Variants in ANKFN1 observed in about 807,000 individuals in gnomAD.
ANKFN1 encodes the protein ankyrin repeat and fibronectin type III domain containing 1.
Under a neutral mutation model 108.7 loss-of-function variants are expected in ANKFN1, and 74 were observed. That is an observed-to-expected ratio of 0.68 (90% CI 0.56 to 0.83). The LOEUF (loss-of-function observed/expected upper bound fraction) is 0.83, where lower values mean the gene tolerates loss of function less well. ANKFN1 is among the 40% of genes least tolerant of loss of function. The pLI is 0.00. For missense variants in ANKFN1, 1,505 were observed against 1,382.3 expected, an observed-to-expected ratio of 1.09 and a Z score of -1.41; for synonymous variants, 547 against 516.2, an observed-to-expected ratio of 1.06 and a Z score of -0.81.
chr17:56,225,245 C>G (rs1341518732), intron 2 of ANKFN1, among the ~76,000 whole-genome samples: 5 of 152,096 alleles, frequency 3.3e-5, no homozygotes, highest in Non-Finnish European at 5.9e-5. Flanking sequence ...ATGTCCTGCT[C>G]TAGCGTAAGA....
intron 4 of ANKFN1, among the ~76,000 whole-genome samples, chr17:56,050,401 A>G: frequency 7.3e-6 from 1 of 137,772 alleles, no homozygotes; most frequent in Non-Finnish European, 1.6e-5. Flanking sequence ...GTTTAATTAG[A>G]TCCCATTTGT....
intron 3 of ANKFN1, among the ~76,000 whole-genome samples, chr17:56,312,433 C>G (rs1206268599): frequency 6.6e-6 from 1 of 152,130 alleles, no homozygotes; most frequent in African/African-American, 2.4e-5. Context: ...TGATCTTACT[C>G]TGACCCATTC....
At chr17:56,217,636 C>A (rs1915517145) in intron 2 of ANKFN1, among the ~76,000 whole-genome samples, 1 of 151,868 alleles carries the variant, frequency 6.6e-6, no homozygotes. Flanking sequence ...ATCAATCAGG[C>A]CCCAAATGTC....
rs1241718396 is a variant in ANKFN1, at chr17:56,510,481, C to T, written c.2653C>T (p.Pro885Ser). 2.0e-6 allele frequency: 3 copies of T among 1,535,880 alleles called. No individual in the cohort carries two copies. Among genetic ancestry groups the T allele is most frequent in the Non-Finnish European group, 2.6e-6 (3 of 1,146,846 alleles). Residue 885 changes from proline to serine, a missense_variant, in exon 21 of 21, where the codon CCC becomes TCC. By Grantham distance (74) the Pro-to-Ser change is moderately conservative (BLOSUM62 -1). Coordinates refer to ENST00000682825, the MANE Select transcript of ANKFN1 (RefSeq NM_001370326.1). ...AGTTTCTGGCTTCGCAGATTCACAGCCCTGCTCTGATGAAGAAGCCTGCTC... is the reference window on the plus strand; with the variant it reads ...AGTTTCTGGCTTCGCAGATTCACAGTCCTGCTCTGATGAAGAAGCCTGCTC... ...HRRKTVSDSQ[P>S]CSDEEACSEV...
chr17:56,259,409 T>C (rs2043444420), intron 3 of ANKFN1, among the ~76,000 whole-genome samples: 1 of 152,242 alleles, frequency 6.6e-6, no homozygotes, highest in African/African-American at 2.4e-5. Context: ...TATCTGTATA[T>C]AGGCATTTGG....
chr17:56,425,794 TC>T (rs2048545600), intron 8 of ANKFN1, among the ~76,000 whole-genome samples: 1 of 152,234 alleles, frequency 6.6e-6, no homozygotes, highest in Non-Finnish European at 1.5e-5. Context: ...TGAGCCTGCC[TC>T]TATCATTACT....
intron 10 of ANKFN1, among the ~76,000 whole-genome samples, chr17:56,444,937 A>G (rs987313): frequency 0.99 from 150,491 of 152,290 alleles, 74,366 homozygotes; most frequent in East Asian, 1. Context: ...CATCTCTGGC[A>G]GATTCAGATA....
intron 2 of ANKFN1, among the ~76,000 whole-genome samples, chr17:56,213,198 T>C (rs915206164): frequency 2.4e-4 from 37 of 152,248 alleles, no homozygotes; most frequent in African/African-American, 8.7e-4. Context: ...ACTACCCTTC[T>C]CTGAATTGAA....
chr17:56,175,330 AAACT>A (rs1378474684), intron 1 of ANKFN1, among the ~76,000 whole-genome samples: 4 of 152,124 alleles, frequency 2.6e-5, no homozygotes, highest in Non-Finnish European at 5.9e-5. Context: ...GAGAGAGGTA[AAACT>A]AACAAACAAA....
chr17:56,223,935 T>C (rs1916064278), intron 2 of ANKFN1, among the ~76,000 whole-genome samples: 1 of 152,224 alleles, frequency 6.6e-6, no homozygotes, highest in East Asian at 1.9e-4. Flanking sequence ...AGTACAGTGC[T>C]ACTCTTATTT....
At chr17:56,384,264 G>C (rs2047194320) in intron 8 of ANKFN1, among the ~76,000 whole-genome samples, 1 of 152,192 alleles carries the variant, frequency 6.6e-6, no homozygotes, top group African/African-American at 2.4e-5. Context: ...ACAGGCCTTT[G>C]ATAAAATTCA....
intron 1 of ANKFN1, among the ~76,000 whole-genome samples, chr17:56,168,676 AGTTC>A (rs1020048673): frequency 9.2e-5 from 14 of 152,292 alleles, no homozygotes; most frequent in Middle Eastern, 3.4e-3. Flanking sequence ...GTTTTGGTTT[AGTTC>A]GTTTGTTTTC....
intron 3 of ANKFN1, among the ~76,000 whole-genome samples, chr17:56,279,651 G>T (rs1292334047): frequency 6.6e-6 from 1 of 152,070 alleles, no homozygotes. Context: ...ACTTTGCTCA[G>T]TACAACACAA....
intron 3 of ANKFN1, among the ~76,000 whole-genome samples, chr17:56,260,420 C>CG (rs1348323575): frequency 6.7e-6 from 1 of 149,214 alleles, no homozygotes; most frequent in East Asian, 2.0e-4. Flanking sequence ...GGTGGTGGGG[C>CG]GGGGTAGGGG....
chr17:56,074,433 C>T (rs1009675895), intron 4 of ANKFN1, among the ~76,000 whole-genome samples: 3 of 152,212 alleles, frequency 2.0e-5, no homozygotes, highest in Non-Finnish European at 4.4e-5. Context: ...ACCAGGCCCC[C>T]TCATGGTTTC....
intron 4 of ANKFN1, among the ~76,000 whole-genome samples, chr17:56,329,636 A>G (rs149059867): frequency 1.5e-3 from 230 of 152,266 alleles, no homozygotes; most frequent in African/African-American, 5.1e-3. Context: ...CTCAATTTCT[A>G]TCTGTGTAAA....
At chr17:56,456,821 C>T (rs780429781) in intron 11 of ANKFN1, 40 bp from the exon 12 acceptor site, 5 of 1,541,326 alleles carry the variant, frequency 3.2e-6, no homozygotes, top group Non-Finnish European at 4.5e-6. Context: ...GTTGATCTGC[C>T]CAGTGGAATT....
intron 1 of ANKFN1, among the ~76,000 whole-genome samples, chr17:56,171,441 T>A (rs2143570342): frequency 6.6e-6 from 1 of 152,242 alleles, no homozygotes; most frequent in South Asian, 2.1e-4. Flanking sequence ...AAACCAACGG[T>A]CTACAGCAAT....
Position 56,375,977 on chromosome 17 carries a change from G to T in ANKFN1, c.910+1263G>T, listed in dbSNP as rs117229994. On this transcript the variant is annotated intron_variant, in intron 8 of 20. Coordinates refer to ENST00000682825, the MANE Select transcript of ANKFN1 (RefSeq NM_001370326.1). ...TCACATTATGCTGACTCTTGAATAC[G>T]AGGAACAAAAAAGGAAAGCTATTTT... Among the ~76,000 whole-genome samples, 52 of 152,160 alleles carry T rather than the reference G, an allele frequency of 3.4e-4. No homozygotes were observed. In the East Asian group the frequency reaches 8.7e-3, roughly 25 times the overall value.
Sources: gnomAD v4.1 joint callset for allele counts (sites outside exome capture counted in the v4.1 genomes callset) on GRCh38, gnomAD v4.1.1 for gene constraint, MANE v1.5 for transcripts, NCBI Gene and HGNC (gene_info 2026-07-23, HGNC 2026-07-21) for gene names.